The following LRPPRC variants were observed in gnomAD, a reference collection of about 807,000 sequenced individuals.
LRPPRC encodes leucine-rich PPR motif-containing protein, mitochondrial.
In LRPPRC, 120 loss-of-function variants were observed where a neutral mutation model predicts 180.3. That is an observed-to-expected ratio of 0.67 (90% CI 0.57 to 0.77). The LOEUF is 0.77. LRPPRC is among the 30% of genes least tolerant of loss of function. The pLI is 0.00. For synonymous variants in LRPPRC, 723 were observed against 600.0 expected (o/e 1.21, Z -3.00); for missense variants, 2,012 against 1,657.2 (o/e 1.21, Z -3.72).
chr2:43,995,627 CCT>C, intron 1 of LRPPRC, 170 bp downstream of exon 1: 1 of 586,416 alleles, frequency 1.7e-6, no homozygotes, highest in Non-Finnish European at 2.6e-6. Flanking sequence ...GGCGCTTAAC[CCT>C]GTCACCCGAA....
intron 1 of LRPPRC, among the ~76,000 whole-genome samples, chr2:43,985,258 A>T (rs1674480677): frequency 6.6e-6 from 1 of 152,066 alleles, no homozygotes; most frequent in Non-Finnish European, 1.5e-5. Flanking sequence ...AACAGTTCCC[A>T]CTTTCTTCTC....
intron 34 of LRPPRC, 101 bp downstream of exon 34, chr2:43,899,118 C>G (rs761958386): frequency 6.2e-6 from 5 of 801,000 alleles, no homozygotes; most frequent in Non-Finnish European, 1.1e-5. Flanking sequence ...GCACACCACA[C>G]TGAATTTCTA....
intron 11 of LRPPRC, among the ~76,000 whole-genome samples, chr2:43,967,360 C>T (rs900592314): frequency 7.9e-5 from 12 of 151,410 alleles, no homozygotes; most frequent in East Asian, 1.9e-4. Flanking sequence ...GTCTCCAAAA[C>T]ATCATGTTGT....
At chr2:43,923,601 CA>C (rs1671773930) in intron 27 of LRPPRC, among the ~76,000 whole-genome samples, 1 of 152,204 alleles carries the variant, frequency 6.6e-6, no homozygotes, top group Non-Finnish European at 1.5e-5. Context: ...TTACCCGCTG[CA>C]GTGTTAAGAC....
intron 36 of LRPPRC, 47 bp from the exon 37 acceptor site, chr2:43,889,923 T>C (rs1431436724): frequency 9.7e-6 from 14 of 1,445,072 alleles, no homozygotes; most frequent in Non-Finnish European, 1.3e-5. Context: ...AGACAACCTA[T>C]CTTACTCTTT....
At chr2:43,911,728 T>C (rs959896520) in intron 30 of LRPPRC, among the ~76,000 whole-genome samples, 2 of 151,946 alleles carry the variant, frequency 1.3e-5, no homozygotes, top group Non-Finnish European at 2.9e-5. Context: ...GGTTTCACCA[T>C]GTTGGCCAGG....
At chr2:43,966,810 G>A (rs977293181) in intron 11 of LRPPRC, among the ~76,000 whole-genome samples, 5 of 151,254 alleles carry the variant, frequency 3.3e-5, no homozygotes, top group African/African-American at 1.2e-4. Context: ...CAGCACTTTG[G>A]GAGGCCAAGG....
At position 43,887,668 on chromosome 2, in the gene LRPPRC, C is replaced by A. The variant is rs1187438701; in HGVS notation, c.*932G>T. On this transcript the variant is annotated 3_prime_UTR_variant, in exon 38 of 38. Coordinates refer to ENST00000260665, the MANE Select transcript of LRPPRC (RefSeq NM_133259.4). ...ATTATTAAGACACCTTTTATAATGG[C>A]AAACTCTCCTGACTACCTATCTTAG... 6.6e-6 allele frequency: 1 copy of A among 152,194 alleles called. No individual in the cohort carries two copies. Among genetic ancestry groups the A allele is most frequent in the Non-Finnish European group, 1.5e-5 (1 of 68,014 alleles). The allele number at this position is 152,194 out of a possible 1,614,324, so 9.4% of individuals were successfully genotyped here.
At chr2:43,950,628 T>A in intron 14 of LRPPRC, 28 bp from the exon 15 acceptor site, 2 of 1,592,940 alleles carry the variant, frequency 1.3e-6, no homozygotes, top group Non-Finnish European at 1.7e-6. Flanking sequence ...GGATCGAAAA[T>A]AAACCCAGGT....
chr2:43,932,413 G>A (rs1353844044), intron 25 of LRPPRC, among the ~76,000 whole-genome samples: 1 of 151,956 alleles, frequency 6.6e-6, no homozygotes, highest in Non-Finnish European at 1.5e-5. Flanking sequence ...TAAAAATGTT[G>A]CTCATGACTT....
At chr2:43,986,003 C>T (rs975572648) in intron 1 of LRPPRC, among the ~76,000 whole-genome samples, 13 of 152,192 alleles carry the variant, frequency 8.5e-5, no homozygotes, top group African/African-American at 3.1e-4. Flanking sequence ...TGGATTGTTG[C>T]CATTCCGATA....
intron 29 of LRPPRC, among the ~76,000 whole-genome samples, chr2:43,916,944 CGG>C (rs201801339): frequency 1.0e-3 from 63 of 61,638 alleles, no homozygotes; most frequent in African/African-American, 5.4e-3. Context: ...GACCTGTCTC[CGG>C]GGGGAAAAAA....
intron 25 of LRPPRC, among the ~76,000 whole-genome samples, chr2:43,927,991 T>C (rs534785704): frequency 1.3e-5 from 2 of 150,450 alleles, no homozygotes; most frequent in African/African-American, 4.9e-5. Flanking sequence ...TGGAGAAGAA[T>C]AGAATTCTAA....
At chr2:43,899,895 T>C (rs915413895) in intron 32 of LRPPRC, among the ~76,000 whole-genome samples, 2 of 152,226 alleles carry the variant, frequency 1.3e-5, no homozygotes, top group East Asian at 1.9e-4. Context: ...CAAACAACTA[T>C]ATACAGGAGA....
At chr2:43,919,285 G>A (rs1478455216) in intron 27 of LRPPRC, among the ~76,000 whole-genome samples, 18 of 152,182 alleles carry the variant, frequency 1.2e-4, no homozygotes, top group Non-Finnish European at 5.9e-5. Context: ...TGTCTTCCAT[G>A]AAACCAGTCC....
chr2:43,894,691 G>A, intron 35 of LRPPRC, 62 bp from the exon 36 acceptor site: 1 of 826,716 alleles, frequency 1.2e-6, no homozygotes, highest in South Asian at 1.4e-5. Flanking sequence ...TTAGAACACT[G>A]ACAAATCAAC....
chr2:43,963,730 C>T (rs1559022013), intron 11 of LRPPRC, 24 bp from the exon 12 acceptor site: 1 of 1,172,528 alleles, frequency 8.5e-7, no homozygotes, highest in Non-Finnish European at 1.3e-6. Context: ...TGTAGAAGCA[C>T]AGAGATAGAG....
At position 43,932,021 on chromosome 2, in the gene LRPPRC, G is replaced by C. The variant is rs577199049; in HGVS notation, c.2736+2169C>G. Among the ~76,000 whole-genome samples, 9 of 146,582 alleles carry C rather than the reference G, an allele frequency of 6.1e-5. No homozygotes were observed. The East Asian group carries it at 1.6e-3, about 27-fold the overall frequency. On this transcript the variant is annotated intron_variant, in intron 25 of 37. Transcript: ENST00000260665. Reference sequence around the variant, plus strand: ...AGTGTTGTAGAAAGGACTTTTTTCAGACTAGGTCTTTCTGAGGATTGCTTG... The same window carrying C: ...AGTGTTGTAGAAAGGACTTTTTTCACACTAGGTCTTTCTGAGGATTGCTTG...
intron 30 of LRPPRC, among the ~76,000 whole-genome samples, chr2:43,911,677 C>A (rs778359486): frequency 2.6e-5 from 4 of 151,894 alleles, no homozygotes; most frequent in Non-Finnish European, 5.9e-5. Context: ...CAGGCACATG[C>A]CACCACGCCC....
Sources: allele counts gnomAD v4.1 joint callset (sites outside exome capture counted in the v4.1 genomes callset), GRCh38; gene constraint gnomAD v4.1.1; transcripts MANE v1.5; gene names NCBI Gene and HGNC (gene_info 2026-07-23, HGNC 2026-07-21).